The following CHD4 variants were observed in gnomAD, a reference collection of about 807,000 sequenced individuals.
CHD4 encodes chromodomain helicase DNA binding protein 4, also known as ATP-dependent chromatin remodeler CHD4.
In CHD4, 35 loss-of-function variants were observed where a neutral mutation model predicts 235.5. The ratio of observed to expected loss-of-function variants is 0.15; its 90% confidence interval spans 0.11 to 0.20. The LOEUF (loss-of-function observed/expected upper bound fraction) is 0.20. Ranked by LOEUF, CHD4 falls within the 10% of genes least tolerant of loss-of-function variation. CHD4 has a pLI of 1.00. For synonymous variants in CHD4, 900 were observed against 850.2 expected (o/e 1.06, Z -1.02); for missense variants, 1,329 against 2,432.3 (o/e 0.55, Z 9.54).
intron 12 of CHD4, among the ~76,000 whole-genome samples, chr12:6,596,478 G>A (rs573233001): frequency 2.1e-4 from 31 of 144,274 alleles, no homozygotes; most frequent in African/African-American, 5.2e-4. Context: ...GGCGAAACCC[G>A]TCTCTACTAA....
At chr12:6,591,332 T>C in intron 22 of CHD4, 134 bp downstream of exon 22, 1 of 687,760 alleles carries the variant, frequency 1.5e-6, no homozygotes, top group South Asian at 1.9e-5. Context: ...AATTGAGACA[T>C]TCAAAAGCTT....
chr12:6,587,398 C>T lies in CHD4; in HGVS notation c.3865G>A (p.Glu1289Lys). The T allele has an allele frequency of 6.2e-7, 1 of 1,614,212 alleles. No individual in the cohort carries two copies. The highest frequency in any genetic ancestry group is 8.5e-7 in the Non-Finnish European group (1 of 1,180,022). ...TTCATACTCACCCCCATTTCTTCTT[C>T]CCGTACCACATACTGGGCCACTTTG... ...SFKVAQYVVR[E>K]EEMGEEEEVE... Residue 1289 changes from glutamate to lysine, a missense_variant, in exon 25 of 40, where the codon GAA becomes AAA. This residue lies in a region of CHD4 where 12 missense variants were observed against 17.4 expected (regional missense o/e 0.69). Transcript: ENST00000544040.
intron 33 of CHD4, chr12:6,580,724 A>AAAAAAAAAAAAC (rs1948169583): frequency 3.8e-6 from 1 of 262,388 alleles, no homozygotes; most frequent in Non-Finnish European, 7.0e-6. Flanking sequence ...AAAAAAAAAA[A>AAAAAAAAAAAAC]AAAGCCAGGC....
At chr12:6,588,740 T>C (rs951576429) in intron 22 of CHD4, among the ~76,000 whole-genome samples, 8 of 150,872 alleles carry the variant, frequency 5.3e-5, no homozygotes, top group Non-Finnish European at 5.9e-5. Flanking sequence ...ATTGCACCAC[T>C]GCACTTTAGC....
intron 10 of CHD4, 146 bp from the exon 11 acceptor site, chr12:6,598,571 G>T (rs574303747): frequency 4.5e-6 from 3 of 663,852 alleles, no homozygotes; most frequent in Non-Finnish European, 7.5e-6. Context: ...AGCACCTTGG[G>T]AGGCCGAGGC....
intron 10 of CHD4, among the ~76,000 whole-genome samples, 164 bp downstream of exon 10, chr12:6,599,609 A>G (rs781157992): frequency 2.0e-5 from 3 of 152,252 alleles, no homozygotes; most frequent in Non-Finnish European, 2.9e-5. Flanking sequence ...TTAGTCCTAT[A>G]TTTTCCCAGG....
rs139536996 is a variant in CHD4 at position 6,599,980 on chromosome 12, C to T, written c.1275G>A (p.Glu425=). 3.1e-6 allele frequency: 5 copies of T among 1,614,060 alleles called. No individual in the cohort carries two copies. In the African/African-American group the frequency reaches 6.7e-5, roughly 22 times the overall value. Reference sequence around the variant, plus strand: ...GGATCTCCTCACCCTCCGAATTGTCCTCTTTAGCTTCCCACTGGATGCCTT... The same window carrying T: ...GGATCTCCTCACCCTCCGAATTGTCTTCTTTAGCTTCCCACTGGATGCCTT... ...EKEGIQWEAK[E]DNSEGEEILE... The change falls in exon 10 of 40, where the codon GAG becomes GAA. Residue 425 remains glutamate (E), a synonymous_variant. Coordinates refer to ENST00000544040, the MANE Select transcript of CHD4 (RefSeq NM_001273.5).
chr12:6,598,107 C>A lies in CHD4; in HGVS notation c.1687-8G>T, dbSNP rs766780672. 3.7e-6 allele frequency: 6 copies of A among 1,613,858 alleles called. No homozygotes were observed. The East Asian group carries it at 6.7e-5, about 18-fold the overall frequency. On this transcript the variant is annotated splice_polypyrimidine_tract_variant and splice_region_variant and intron_variant, in intron 11 of 39. Coordinates refer to ENST00000544040, the MANE Select transcript of CHD4 (RefSeq NM_001273.5). ...CTGACAGTGCAGCTCCAGCTTTGAG[C>A]GGAAAGAGAAAATCAGCCACCAAGA...
At chr12:6,580,233 AACAACAACAACAAC>A (rs1948155986) in intron 33 of CHD4, 1 of 148,096 alleles carries the variant, frequency 6.8e-6, no homozygotes, top group Non-Finnish European at 1.5e-5. Context: ...TCTCGAAAAC[AACAACAACAACAAC>A]AACAACAACA....
At chr12:6,572,194 G>A (rs199902981) in intron 38 of CHD4, among the ~76,000 whole-genome samples, 2 of 151,254 alleles carry the variant, frequency 1.3e-5, no homozygotes, top group Non-Finnish European at 2.9e-5. Flanking sequence ...TTTGGGAGGC[G>A]GAGGCGGGTG....
chr12:6,592,622 G>C, intron 18 of CHD4, 56 bp from the exon 19 acceptor site: 6 of 1,585,560 alleles, frequency 3.8e-6, no homozygotes, highest in Non-Finnish European at 5.2e-6. Flanking sequence ...AGAAAGAAAA[G>C]TGATACAGGA....
chr12:6,587,245 T>C lies in CHD4; in HGVS notation c.3879+139A>G, dbSNP rs917796250. ...TGATTAGTCATGTTATCAGCTTTGT[T>C]TTCAAAGGAAGAGGATCAATTCATC... On this transcript the variant is annotated intron_variant, in intron 25 of 39. Coordinates refer to ENST00000544040, the MANE Select transcript of CHD4 (RefSeq NM_001273.5). 10 of 832,866 alleles carry C rather than the reference T, an allele frequency of 1.2e-5. No individual in the cohort carries two copies. The South Asian group carries it at 1.8e-4, about 15-fold the overall frequency. 51.6% of individuals were successfully genotyped at this position (832,866 alleles called of 1,614,324 possible). A position where few individuals can be genotyped will look rare whatever the true frequency, so the allele number is the denominator to read the frequency against.
intron 10 of CHD4, among the ~76,000 whole-genome samples, chr12:6,599,481 T>C (rs1474362258): frequency 1.3e-5 from 2 of 152,080 alleles, no homozygotes; most frequent in East Asian, 3.9e-4. Context: ...GAAAACATTG[T>C]AAGCTACCAA....
chr12:6,596,284 T>C, intron 12 of CHD4, 147 bp from the exon 13 acceptor site: 1 of 901,778 alleles, frequency 1.1e-6, no homozygotes, highest in Non-Finnish European at 1.6e-6. Flanking sequence ...TGTACCAGTC[T>C]CTGACCAAAA....
In CHD4 at chr12:6,599,645, TGAA is replaced by T. The variant is rs1948556359; in HGVS notation, c.1482+125_1482+127del. 7.8e-6 allele frequency: 9 copies of T among 1,156,306 alleles called. No individual in the cohort carries two copies. In the Admixed American group the frequency reaches 1.3e-4, roughly 17 times the overall value. 71.6% of individuals were successfully genotyped at this position (1,156,306 alleles called of 1,614,324 possible). On this transcript the variant is annotated intron_variant, in intron 10 of 39. Coordinates refer to ENST00000544040, the MANE Select transcript of CHD4 (RefSeq NM_001273.5). ...ACAAAAGTATCCCAACACTATAGGATGAAGGAGAATACCTTTCTCAGGGCTGAA... is the reference window on the plus strand; with the variant it reads ...ACAAAAGTATCCCAACACTATAGGATGGAGAATACCTTTCTCAGGGCTGAA...
intron 37 of CHD4, among the ~76,000 whole-genome samples, chr12:6,576,050 T>C (rs1308926956): frequency 1.4e-5 from 2 of 141,640 alleles, no homozygotes; most frequent in Non-Finnish European, 3.1e-5. Flanking sequence ...TCTCGAGAAC[T>C]TTTTTTTTTT....
At position 6,587,815 on chromosome 12, in the gene CHD4, C is replaced by A; in HGVS notation, c.3600G>T (p.Arg1200=). 6.2e-7 allele frequency: 1 copy of A among 1,614,220 alleles called. No homozygotes were observed. The highest frequency in any genetic ancestry group is 8.5e-7 in the Non-Finnish European group (1 of 1,180,056). Residue 1200 remains arginine, a synonymous_variant, in exon 24 of 40, where the codon CGG becomes CGT. Transcript: ENST00000544040. ...KKMMLTHLVV[R]PGLGSKTGSM... ...ATCCAGTCTTGGAGCCCAGCCCAGG[C>A]CGCACCACTAGATGCGTCAGCATCA...
At chr12:6,590,752 G>T (rs932889535) in intron 22 of CHD4, among the ~76,000 whole-genome samples, 1 of 152,116 alleles carries the variant, frequency 6.6e-6, no homozygotes, top group Non-Finnish European at 1.5e-5. Context: ...GCCTGGGGGT[G>T]TGTCCAGGCT....
intron 24 of CHD4, 71 bp from the exon 25 acceptor site, chr12:6,587,630 A>G: frequency 6.2e-7 from 1 of 1,606,914 alleles, no homozygotes; most frequent in Non-Finnish European, 8.5e-7. Flanking sequence ...CAAGTCCCAC[A>G]AGACCCTTGG....
Sources: gnomAD v4.1 joint callset for allele counts (sites outside exome capture counted in the v4.1 genomes callset) on GRCh38, gnomAD v4.1.1 for gene constraint, gnomAD v4.1.1 regional missense constraint, MANE v1.5 for transcripts, NCBI Gene and HGNC (gene_info 2026-07-23, HGNC 2026-07-21) for gene names.